Variants in DLGAP2 observed in about 807,000 individuals in gnomAD.
The protein encoded by DLGAP2 is disks large-associated protein 2.
Under a neutral mutation model 100.3 loss-of-function variants are expected in DLGAP2, and 26 were observed. The observed-to-expected ratio is 0.26, with a 90% CI of 0.19 to 0.36. The LOEUF (loss-of-function observed/expected upper bound fraction) is 0.36, where lower values mean the gene tolerates loss of function less well. Among genes scored for constraint, DLGAP2 ranks in the 10% least tolerant of loss-of-function variants. DLGAP2 has a pLI of 1.00. For synonymous variants in DLGAP2, 886 were observed against 630.1 expected (o/e 1.41, Z -6.08); for missense variants, 1,858 against 1,453.2 (o/e 1.28, Z -4.53).
chr8:1,633,689 A>G (rs989660089), intron 8 of DLGAP2, among the ~76,000 whole-genome samples: 2 of 152,202 alleles, frequency 1.3e-5, no homozygotes, highest in African/African-American at 4.8e-5. Flanking sequence ...GCCTAGAGAA[A>G]CCCATAAAAC....
At chr8:1,039,913 C>A (rs1443478513) in intron 2 of DLGAP2, among the ~76,000 whole-genome samples, 6 of 146,964 alleles carry the variant, frequency 4.1e-5, no homozygotes, top group Non-Finnish European at 7.5e-5. Context: ...GCTCGGTGTG[C>A]GTGGTCAGCT....
At chr8:925,370 G>A (rs1279337610) in intron 2 of DLGAP2, among the ~76,000 whole-genome samples, 1 of 152,118 alleles carries the variant, frequency 6.6e-6, no homozygotes, top group Non-Finnish European at 1.5e-5. Context: ...GATCCTCCCA[G>A]CTCAGCTTGT....
intron 12 of DLGAP2, among the ~76,000 whole-genome samples, chr8:1,683,701 A>G (rs1260259266): frequency 1.3e-5 from 2 of 149,022 alleles, no homozygotes; most frequent in African/African-American, 4.9e-5. Context: ...TCACACCTTT[A>G]TAAAAGCAGA....
intron 1 of DLGAP2, among the ~76,000 whole-genome samples, chr8:860,662 G>T (rs997513544): frequency 3.3e-5 from 5 of 151,998 alleles, no homozygotes; most frequent in African/African-American, 1.2e-4. Context: ...TTATTTATTG[G>T]CAAAAAATGT....
intron 2 of DLGAP2, among the ~76,000 whole-genome samples, chr8:1,053,467 C>T (rs1291951803): frequency 3.3e-5 from 5 of 152,052 alleles, no homozygotes; most frequent in Non-Finnish European, 7.3e-5. Context: ...CAGTCAGCTC[C>T]GTCATCCCAG....
intron 1 of DLGAP2, among the ~76,000 whole-genome samples, chr8:826,608 T>G (rs1322881120): frequency 1.3e-5 from 2 of 152,060 alleles, no homozygotes; most frequent in Non-Finnish European, 2.9e-5. Flanking sequence ...CTGAGCAGAA[T>G]TAGCTGGGAG....
chr8:786,578 A>G lies in DLGAP2; in HGVS notation c.18+48753A>G, dbSNP rs527563068. 8.5e-5 allele frequency among the ~76,000 whole-genome samples: 13 copies of G among 152,062 alleles called. No homozygotes were observed. In the South Asian group the frequency reaches 2.7e-3, roughly 32 times the overall value. On this transcript the variant is annotated intron_variant, in intron 1 of 14. Transcript: ENST00000637795. The stretch of plus-strand genomic sequence containing the variant: ...AGAGGTGAGTGGCCCTGAGCGCACT[A>G]CGCACAGTTCCCTCAGAGACCCAGG...
chr8:1,528,679 A>G (rs1262877605), intron 4 of DLGAP2, among the ~76,000 whole-genome samples: 1 of 152,166 alleles, frequency 6.6e-6, no homozygotes, highest in Non-Finnish European at 1.5e-5. Flanking sequence ...AGCTGTAGGG[A>G]CAGGTGAGTG....
chr8:1,305,401 G>T (rs1292673843), intron 3 of DLGAP2, among the ~76,000 whole-genome samples: 2 of 152,108 alleles, frequency 1.3e-5, no homozygotes, highest in African/African-American at 4.8e-5. Flanking sequence ...TTTACATTTG[G>T]CTTAAAAGAA....
chr8:1,223,824 A>G (rs73527722), intron 2 of DLGAP2, among the ~76,000 whole-genome samples: 8,328 of 152,296 alleles, frequency 0.055, 493 homozygotes, highest in African/African-American at 0.14. Flanking sequence ...AGATTTATTA[A>G]GCACCCATAT....
Position 1,704,287 on chromosome 8 carries a change from T to A in DLGAP2, c.*2881T>A, listed in dbSNP as rs1055557478. ...GTTCTAGGAACATCATCCTAGAGAG[T>A]GTGATGTTCACTATAACCCCATACC... On this transcript the variant is annotated 3_prime_UTR_variant, in exon 15 of 15. Coordinates refer to ENST00000637795, the MANE Select transcript of DLGAP2 (RefSeq NM_001346810.2). 1.3e-5 allele frequency: 2 copies of A among 152,058 alleles called. No individual in the cohort carries two copies. The highest frequency in any genetic ancestry group is 2.9e-5 in the Non-Finnish European group (2 of 68,012). 9.4% of individuals were successfully genotyped at this position (152,058 alleles called of 1,614,324 possible).
chr8:1,433,415 C>G (rs967061137), intron 3 of DLGAP2, among the ~76,000 whole-genome samples: 2 of 152,160 alleles, frequency 1.3e-5, no homozygotes, highest in Non-Finnish European at 2.9e-5. Flanking sequence ...TGGCCAGGCC[C>G]AAGCACCCGA....
chr8:1,263,972 C>T (rs922631095), intron 3 of DLGAP2, among the ~76,000 whole-genome samples: 32 of 152,164 alleles, frequency 2.1e-4, no homozygotes, highest in African/African-American at 7.5e-4. Context: ...AGTCTGTCTT[C>T]TAGGACCTGA....
intron 3 of DLGAP2, among the ~76,000 whole-genome samples, chr8:1,470,819 C>T (rs370628076): frequency 6.1e-5 from 5 of 81,588 alleles, no homozygotes; most frequent in African/African-American, 2.0e-4. Flanking sequence ...CCCGACCCCT[C>T]CAGCCTTTCC....
At chr8:771,203 C>A (rs1434316372) in intron 1 of DLGAP2, among the ~76,000 whole-genome samples, 3 of 152,316 alleles carry the variant, frequency 2.0e-5, no homozygotes, top group African/African-American at 7.2e-5. Flanking sequence ...CATATTGCTA[C>A]TTTCTGTCCA....
At chr8:1,602,263 A>C (rs1443152017) in intron 6 of DLGAP2, among the ~76,000 whole-genome samples, 1 of 152,174 alleles carries the variant, frequency 6.6e-6, no homozygotes, top group Non-Finnish European at 1.5e-5. Context: ...GTTATTTCTA[A>C]TTAATGACAT....
At chr8:1,440,498 A>G (rs1797799021) in intron 3 of DLGAP2, among the ~76,000 whole-genome samples, 2 of 152,354 alleles carry the variant, frequency 1.3e-5, no homozygotes, top group South Asian at 2.1e-4. Context: ...GCCAGCAGAG[A>G]GAAAACCCAG....
At chr8:1,045,056 A>G (rs549844045) in intron 2 of DLGAP2, among the ~76,000 whole-genome samples, 1 of 152,240 alleles carries the variant, frequency 6.6e-6, no homozygotes, top group Admixed American at 6.5e-5. Flanking sequence ...CCTCCTGCCT[A>G]TTTCTTTCTT....
intron 2 of DLGAP2, among the ~76,000 whole-genome samples, chr8:1,223,146 T>C (rs981114511): frequency 2.0e-5 from 3 of 152,190 alleles, no homozygotes; most frequent in Non-Finnish European, 4.4e-5. Flanking sequence ...CCATGCCTGT[T>C]TCCCTTAGTC....
Sources: allele counts gnomAD v4.1 joint callset (sites outside exome capture counted in the v4.1 genomes callset), GRCh38; gene constraint gnomAD v4.1.1; transcripts MANE v1.5; gene names NCBI Gene and HGNC (gene_info 2026-07-23, HGNC 2026-07-21).